The following DNM1L variants were observed in gnomAD, a reference collection of about 807,000 sequenced individuals.
The protein encoded by DNM1L is dynamin-1-like protein.
DNM1L carries 33 observed loss-of-function variants against 92.8 expected under a neutral mutation model. The observed-to-expected ratio is 0.36, with a 90% CI of 0.27 to 0.48. DNM1L has a LOEUF of 0.48. Among genes scored for constraint, DNM1L ranks in the 20% least tolerant of loss-of-function variants. DNM1L has a pLI of 0.99. For missense variants in DNM1L, 485 were observed against 888.8 expected (o/e 0.55, Z 5.78); for synonymous variants, 284 against 305.0 (o/e 0.93, Z 0.72).
chr12:32,696,973 TC>T (rs972865621), intron 1 of DNM1L, among the ~76,000 whole-genome samples: 1 of 149,838 alleles, frequency 6.7e-6, no homozygotes, highest in Non-Finnish European at 1.5e-5. Context: ...GTCTCCTTTC[TC>T]CTATGACAGT....
intron 9 of DNM1L, chr12:32,729,094 C>CT (rs200664861): frequency 0.093 from 13,170 of 140,938 alleles, 648 homozygotes; most frequent in Middle Eastern, 0.19. Flanking sequence ...CCCAGTCCCC[C>CT]TTTTTTTGAG....
chr12:32,718,044 C>CTATATATACTATACATATTTTA (rs1180066594), intron 6 of DNM1L, among the ~76,000 whole-genome samples: 21 of 117,162 alleles, frequency 1.8e-4, no homozygotes, highest in Non-Finnish European at 2.5e-4. Context: ...ACTATACATA[C>CTATATATACTATACATATTTTA]TATATATACT....
Position 32,731,061 on chromosome 12 carries a change from G to A in DNM1L, c.1127G>A (p.Arg376Gln), listed in dbSNP as rs1954521883. 6.2e-7 allele frequency: 1 copy of A among 1,613,850 alleles called. No homozygotes were observed. Among genetic ancestry groups the A allele is most frequent in the Non-Finnish European group, 8.5e-7 (1 of 1,179,962 alleles). ...TATATTTTCCATGAGACTTTTGGGCGAACCTTAGAATCTGTTGATCCACTT... is the reference window on the plus strand; with the variant it reads ...TATATTTTCCATGAGACTTTTGGGCAAACCTTAGAATCTGTTGATCCACTT... ...ICYIFHETFG[R>Q]TLESVDPLGG... The change falls in exon 10 of 20, where the codon CGA becomes CAA. Residue 376 changes from arginine (R) to glutamine (Q), a missense_variant. Transcript: ENST00000549701. The surrounding 1 kb of genome is among the most constrained non-coding windows in gnomAD (Gnocchi z 5.1).
chr12:32,743,483 T>C lies in DNM1L; in HGVS notation c.*73T>C. ...TACTGCCTACCTGAGTAGAATCTTA[T>C]TTATGAACTCCTGTGTATTGCAATG... On this transcript the variant is annotated 3_prime_UTR_variant, in exon 20 of 20. Coordinates refer to ENST00000549701, the MANE Select transcript of DNM1L (RefSeq NM_012062.5). 2.1e-6 allele frequency: 3 copies of C among 1,405,898 alleles called. No individual in the cohort carries two copies. Among genetic ancestry groups the C allele is most frequent in the Non-Finnish European group, 3.0e-6 (3 of 994,798 alleles). The allele number at this position is 1,405,898 out of a possible 1,614,324, so 87.1% of individuals were successfully genotyped here.
chr12:32,696,731 T>C (rs1156642068), intron 1 of DNM1L, among the ~76,000 whole-genome samples: 5 of 151,658 alleles, frequency 3.3e-5, no homozygotes, highest in Non-Finnish European at 7.4e-5. Context: ...TTCAAGTGAT[T>C]ATCCTACCTC....
intron 2 of DNM1L, among the ~76,000 whole-genome samples, chr12:32,704,971 G>T (rs1565505007): frequency 1.4e-5 from 2 of 143,606 alleles, no homozygotes; most frequent in South Asian, 2.3e-4. Context: ...ATCTTTTCCT[G>T]TAGTAGGTTA....
At chr12:32,718,857 G>A (rs1298319433) in intron 7 of DNM1L, 94 bp downstream of exon 7, 2 of 1,507,322 alleles carry the variant, frequency 1.3e-6, no homozygotes, top group Non-Finnish European at 1.8e-6. Flanking sequence ...TCTAAAATCT[G>A]TTTGAAATGT....
At chr12:32,722,247 C>T (rs1003100503) in intron 8 of DNM1L, among the ~76,000 whole-genome samples, 180 bp from the exon 9 acceptor site, 2 of 152,080 alleles carry the variant, frequency 1.3e-5, no homozygotes, top group Non-Finnish European at 2.9e-5. Context: ...TTGGAGAGTC[C>T]AAGGATTTTA....
Position 32,743,391 on chromosome 12 carries a change from G to A in DNM1L, c.2192G>A (p.Arg731Gln). The A allele has an allele frequency of 6.2e-7, 1 of 1,613,824 alleles. No homozygotes were observed. The highest frequency in any genetic ancestry group is 8.5e-7 in the Non-Finnish European group (1 of 1,179,962). Residue 731 changes from arginine (R) to glutamine (Q), a missense_variant, in exon 20 of 20, where the codon CGG (arginine) becomes CAG (glutamine). Transcript: ENST00000549701. ...QGASQIIAEI[R>Q]ETHLW ...GCCAGTCAAATTATTGCTGAAATCCGGGAGACTCATCTTTGGTGAAGAGAA... is the reference window on the plus strand; with the variant it reads ...GCCAGTCAAATTATTGCTGAAATCCAGGAGACTCATCTTTGGTGAAGAGAA...
At chr12:32,701,328 G>A in intron 1 of DNM1L, 87 bp from the exon 2 acceptor site, 2 of 1,168,490 alleles carry the variant, frequency 1.7e-6, no homozygotes, top group Non-Finnish European at 2.5e-6. Flanking sequence ...AAATAATTCT[G>A]TATGCTGGTT....
chr12:32,743,036 C>T (rs1030904821), intron 19 of DNM1L, among the ~76,000 whole-genome samples: 7 of 151,654 alleles, frequency 4.6e-5, no homozygotes, highest in African/African-American at 1.7e-4. Context: ...GCTGGGACTA[C>T]AGGCGCCCAC....
chr12:32,720,221 T>C (rs939980569), intron 7 of DNM1L, among the ~76,000 whole-genome samples: 1 of 152,196 alleles, frequency 6.6e-6, no homozygotes, highest in Non-Finnish European at 1.5e-5. Flanking sequence ...GGCCTAACAC[T>C]GTTCGTTGTT....
At position 32,702,233 on chromosome 12, in the gene DNM1L, CAA is replaced by C. The variant is rs1179046487; in HGVS notation, c.250+691_250+692del. Among the ~76,000 whole-genome samples the C allele has an allele frequency of 3.8e-3, 310 of 81,314 alleles. 3 individuals are homozygous for C. Among genetic ancestry groups the C allele is most frequent in the South Asian group, 0.034 (67 of 1,990 alleles). The allele number at this position is 81,314 out of a possible 152,430, so 53.3% of individuals were successfully genotyped here. A position where few individuals can be genotyped will look rare whatever the true frequency, so the allele number is the denominator to read the frequency against. On this transcript the variant is annotated intron_variant, in intron 2 of 19. Coordinates refer to ENST00000549701, the MANE Select transcript of DNM1L (RefSeq NM_012062.5). ...TAGGCGACAGAGTGAGACTCCGTCT[CAA>C]AAAAAAAAAAAAAAAAAAAGAAGAA... is the stretch of plus-strand genomic sequence containing the variant.
chr12:32,744,543 G>A lies in DNM1L; in HGVS notation c.*1133G>A, dbSNP rs1275867770. 3.1e-5 allele frequency: 6 copies of A among 193,932 alleles called. No individual in the cohort carries two copies. Among genetic ancestry groups the A allele is most frequent in the African/African-American group, 1.2e-4 (5 of 41,710 alleles). 12.0% of individuals were successfully genotyped at this position (193,932 alleles called of 1,614,324 possible). On this transcript the variant is annotated 3_prime_UTR_variant, in exon 20 of 20. Transcript: ENST00000549701. ...AGCTTGACCAACATGGAGAAACCCC[G>A]TCTCTACTAAAAATACAAAATTGGC...
intron 9 of DNM1L, chr12:32,726,700 T>C (rs931010750): frequency 3.7e-5 from 24 of 651,696 alleles, no homozygotes; most frequent in African/African-American, 5.5e-5. Context: ...ACAATACGAA[T>C]TGTCCCATGT....
chr12:32,704,297 C>G (rs569535145), intron 2 of DNM1L, among the ~76,000 whole-genome samples: 1 of 152,120 alleles, frequency 6.6e-6, no homozygotes, highest in East Asian at 1.9e-4. Flanking sequence ...CGCCTGTAAT[C>G]CTAGCACTTT....
chr12:32,680,615 C>G (rs1951768967), intron 1 of DNM1L, among the ~76,000 whole-genome samples: 1 of 152,176 alleles, frequency 6.6e-6, no homozygotes, highest in African/African-American at 2.4e-5. Context: ...GGGAAAGATT[C>G]TGCTCAATCT....
intron 1 of DNM1L, among the ~76,000 whole-genome samples, chr12:32,681,646 T>C (rs1951812456): frequency 7.4e-6 from 1 of 135,940 alleles, no homozygotes; most frequent in African/African-American, 2.7e-5. Context: ...CAAGAATCTC[T>C]TCTTGGTTTG....
intron 1 of DNM1L, among the ~76,000 whole-genome samples, chr12:32,696,871 CA>C (rs1437245779): frequency 2.8e-5 from 4 of 144,882 alleles, no homozygotes; most frequent in Middle Eastern, 7.2e-3. Context: ...GTGATCTGCC[CA>C]CCTCGGCCTC....
Sources: allele counts gnomAD v4.1 joint callset (sites outside exome capture counted in the v4.1 genomes callset), GRCh38; gene constraint gnomAD v4.1.1; non-coding constraint Gnocchi (gnomAD v3.1); transcripts MANE v1.5; gene names NCBI Gene and HGNC (gene_info 2026-07-23, HGNC 2026-07-21).